DNAI3: variants seen among roughly 807,000 people sequenced by gnomAD.
The protein encoded by DNAI3 is WD repeat domain 63.
In DNAI3, 83 loss-of-function variants were observed where a neutral mutation model predicts 115.5. The ratio of observed to expected loss-of-function variants is 0.72; its 90% CI spans 0.60 to 0.86. The LOEUF (loss-of-function observed/expected upper bound fraction) is 0.86, where lower values mean the gene tolerates loss of function less well. DNAI3 is among the 40% of genes least tolerant of loss of function. The pLI is 0.00. For synonymous variants in DNAI3, 320 were observed against 347.0 expected (o/e 0.92, Z 0.86); for missense variants, 1,004 against 1,075.8 (o/e 0.93, Z 0.93).
intron 16 of DNAI3, among the ~76,000 whole-genome samples, chr1:85,114,019 T>TTTTTTTG (rs1655737658): frequency 6.7e-6 from 1 of 148,640 alleles, no homozygotes; most frequent in Admixed American, 6.7e-5. Context: ...TTGTATCTTT[T>TTTTTTTG]TTTTTTTTTT....
chr1:85,105,677 G>C (rs542534812), intron 14 of DNAI3, among the ~76,000 whole-genome samples: 4 of 152,250 alleles, frequency 2.6e-5, no homozygotes, highest in Admixed American at 1.3e-4. Flanking sequence ...AGTAAGTAAT[G>C]ACATTCCTGA....
Position 85,080,587 on chromosome 1 carries a change from C to T in DNAI3, c.104-647C>T, listed in dbSNP as rs553472833. Reference sequence around the variant, plus strand: ...TCTCTGTGAAATAAAAAGCCAGTCACCTGGTAAGAGAGAGCAGCAGGGGAG... The same window carrying T: ...TCTCTGTGAAATAAAAAGCCAGTCATCTGGTAAGAGAGAGCAGCAGGGGAG... On this transcript the variant is annotated intron_variant, in intron 3 of 22. Coordinates refer to ENST00000294664, the MANE Select transcript of DNAI3 (RefSeq NM_145172.5). 2.3e-4 allele frequency among the ~76,000 whole-genome samples: 35 copies of T among 152,244 alleles called. No homozygotes were observed. In the East Asian group the frequency reaches 4.8e-3, roughly 21 times the overall value.
At chr1:85,105,362 G>C (rs557927152) in intron 14 of DNAI3, among the ~76,000 whole-genome samples, 2 of 152,132 alleles carry the variant, frequency 1.3e-5, no homozygotes, top group African/African-American at 4.8e-5. Flanking sequence ...AAGCTTATTG[G>C]AAATAAATGT....
intron 22 of DNAI3, among the ~76,000 whole-genome samples, chr1:85,131,646 A>G (rs1258765094): frequency 6.6e-6 from 1 of 152,162 alleles, no homozygotes; most frequent in Non-Finnish European, 1.5e-5. Context: ...ACTGCTACAA[A>G]CAAATTGATC....
At chr1:85,073,845 A>C (rs1282910729) in intron 3 of DNAI3, among the ~76,000 whole-genome samples, 1 of 152,130 alleles carries the variant, frequency 6.6e-6, no homozygotes, top group African/African-American at 2.4e-5. Context: ...ACTAGTTAGG[A>C]AGTTTTTCCA....
At chr1:85,115,860 G>A (rs200997058) in intron 16 of DNAI3, among the ~76,000 whole-genome samples, 12 of 152,066 alleles carry the variant, frequency 7.9e-5, no homozygotes, top group African/African-American at 2.7e-4. Context: ...ATGCTCTTTC[G>A]CCCACCTGCT....
At chr1:85,066,784 A>C (rs1313657119) in intron 1 of DNAI3, among the ~76,000 whole-genome samples, 1 of 152,236 alleles carries the variant, frequency 6.6e-6, no homozygotes, top group Non-Finnish European at 1.5e-5. Context: ...AGTTTGTTAA[A>C]TATAACACAT....
Position 85,095,918 on chromosome 1 carries a change from G to A in DNAI3, c.1174-13G>A. 6.2e-7 allele frequency: 1 copy of A among 1,610,382 alleles called. No individual in the cohort carries two copies. The highest frequency in any genetic ancestry group is 1.7e-5 in the Admixed American group (1 of 59,964). On this transcript the variant is annotated splice_polypyrimidine_tract_variant and intron_variant, in intron 10 of 22. Coordinates refer to ENST00000294664, the MANE Select transcript of DNAI3 (RefSeq NM_145172.5). ...TTTCTCATTCTTTCATGAATTTGCTGGGTTTACTTTAGTTAATGCTGGAGA... is the reference window on the plus strand; with the variant it reads ...TTTCTCATTCTTTCATGAATTTGCTAGGTTTACTTTAGTTAATGCTGGAGA...
rs1654719933 is a variant in DNAI3, at chr1:85,084,227, G to A, written c.391-319G>A. Among the ~76,000 whole-genome samples the A allele has an allele frequency of 1.6e-5, 2 of 125,536 alleles. 1 individual carries two copies. The highest frequency in any genetic ancestry group is 5.3e-4 in the South Asian group (2 of 3,800). The allele number at this position is 125,536 out of a possible 152,430, so 82.4% of individuals were successfully genotyped here. A position where few individuals can be genotyped will look rare whatever the true frequency, so the allele number is the denominator to read the frequency against. ...TATATGTAGAGATGTGTATATATAT[G>A]TGTATATATATATCAGCAGTGTGTA... is the stretch of plus-strand genomic sequence containing the variant. On this transcript the variant is annotated intron_variant, in intron 5 of 22. Coordinates refer to ENST00000294664, the MANE Select transcript of DNAI3 (RefSeq NM_145172.5).
chr1:85,087,422 T>G (rs1770705), intron 7 of DNAI3, among the ~76,000 whole-genome samples: 131,582 of 132,868 alleles, frequency 0.99, 65,161 homozygotes, highest in Middle Eastern at 1. Flanking sequence ...GTGATAGAGC[T>G]AGACTCCATC....
intron 20 of DNAI3, among the ~76,000 whole-genome samples, chr1:85,127,140 A>T (rs1656171702): frequency 6.6e-6 from 1 of 152,194 alleles, no homozygotes. Context: ...TTTCATTACA[A>T]ATCATATTTT....
Position 85,073,080 on chromosome 1 carries a change from A to G in DNAI3, c.91A>G (p.Met31Val). Residue 31 changes from methionine to valine, a missense_variant, in exon 3 of 23, where the codon ATG becomes GTG. Transcript: ENST00000294664. ...AASEDMEPVN[M>V]ESMGHPEIYP... ...TAGTGAAGACATGGAACCAGTAAAT[A>G]TGGAGAGCATGGGTAAGTGGAAATA... 1 of 1,550,714 alleles carries G rather than the reference A, an allele frequency of 6.4e-7. No individual in the cohort carries two copies.
chr1:85,090,281 GT>G, intron 8 of DNAI3, 49 bp downstream of exon 8: 1 of 1,093,552 alleles, frequency 9.1e-7, no homozygotes, highest in Non-Finnish European at 1.3e-6. Context: ...AAATGTATAT[GT>G]TTACATAGAA....
chr1:85,071,872 T>C, intron 1 of DNAI3, 56 bp from the exon 2 acceptor site: 1 of 1,479,982 alleles, frequency 6.8e-7, no homozygotes, highest in Admixed American at 2.0e-5. Flanking sequence ...GTATTTGAAA[T>C]TGTAAGTTGT....
Position 85,073,043 on chromosome 1 carries a change from T to C in DNAI3, c.65-11T>C, listed in dbSNP as rs1247054944. ...AAAATGTAAATTTGACTTCCTTTTA[T>C]TATATTCTAGCTAGTGAAGACATGG... On this transcript the variant is annotated splice_polypyrimidine_tract_variant and intron_variant, in intron 2 of 22. Transcript: ENST00000294664. 2 of 1,508,690 alleles carry C rather than the reference T, an allele frequency of 1.3e-6. No individual in the cohort carries two copies. Among genetic ancestry groups the C allele is most frequent in the South Asian group, 2.8e-5 (2 of 72,556 alleles). 93.5% of individuals were successfully genotyped at this position (1,508,690 alleles called of 1,614,324 possible).
intron 3 of DNAI3, among the ~76,000 whole-genome samples, chr1:85,079,831 A>G (rs1654575452): frequency 6.6e-6 from 1 of 152,044 alleles, no homozygotes; most frequent in Admixed American, 6.6e-5. Context: ...CTCTCTCCTG[A>G]GAGCAATACT....
intron 2 of DNAI3, among the ~76,000 whole-genome samples, 158 bp from the exon 3 acceptor site, chr1:85,072,896 A>AGTGAGCT (rs1200804619): frequency 1.4e-5 from 2 of 141,720 alleles, no homozygotes; most frequent in Non-Finnish European, 3.0e-5. Flanking sequence ...TGGTGCTTGC[A>AGTGAGCT]GTGAGCTGAG....
intron 15 of DNAI3, 140 bp from the exon 16 acceptor site, chr1:85,109,908 T>C: frequency 1.4e-6 from 1 of 709,560 alleles, no homozygotes. Context: ...ACTAGAAATT[T>C]GAGGGAGGAA....
rs776855472 is a variant in DNAI3, at chr1:85,124,182, A to G, written c.2043A>G (p.Ser681=). 1.2e-6 allele frequency: 2 copies of G among 1,614,184 alleles called. No individual in the cohort carries two copies. The highest frequency in any genetic ancestry group is 1.3e-5 in the African/African-American group (1 of 75,048). Residue 681 remains serine (S), a synonymous_variant, in exon 19 of 23, where the codon TCA becomes TCG. Coordinates refer to ENST00000294664, the MANE Select transcript of DNAI3 (RefSeq NM_145172.5). ...HDGTVHTIQR[S]PFYNDIILTV... ...GAACTGTCCACACTATTCAGAGATC[A>G]CCTTTCTACAACGACATTATTCTCA...
Sources: allele counts gnomAD v4.1 joint callset (sites outside exome capture counted in the v4.1 genomes callset), GRCh38; gene constraint gnomAD v4.1.1; transcripts MANE v1.5; gene names NCBI Gene and HGNC (gene_info 2026-07-23, HGNC 2026-07-21).